The following BRWD1 variants were observed in gnomAD, a reference collection of about 807,000 sequenced individuals.
BRWD1 encodes the protein bromodomain and WD repeat-containing protein 1.
Under a neutral mutation model 251.2 loss-of-function variants are expected in BRWD1, and 82 were observed. The ratio of observed to expected loss-of-function variants is 0.33; its 90% CI spans 0.27 to 0.39. The LOEUF (loss-of-function observed/expected upper bound fraction) is 0.39, where lower values mean the gene tolerates loss of function less well. Ranked by LOEUF, BRWD1 falls within the 10% of genes least tolerant of loss-of-function variation. The pLI, the probability that BRWD1 is intolerant of heterozygous loss-of-function variation, is 1.00. For synonymous variants in BRWD1, 918 were observed against 902.8 expected, an observed-to-expected ratio of 1.02 and a Z score of -0.30; for missense variants, 2,233 against 2,711.6, an observed-to-expected ratio of 0.82 and a Z score of 3.92.
Position 39,282,852 on chromosome 21 carries a change from G to A in BRWD1, c.832-2604C>T, listed in dbSNP as rs373813301. On this transcript the variant is annotated intron_variant, in intron 8 of 40. Transcript: ENST00000342449. ...TGGGCGCCTGTAATCCCAACTACTCGGGAGGCTGAGGCAGGAGAATCGCTT... is the reference window on the plus strand; with the variant it reads ...TGGGCGCCTGTAATCCCAACTACTCAGGAGGCTGAGGCAGGAGAATCGCTT... 7.3e-4 allele frequency among the ~76,000 whole-genome samples: 111 copies of A among 151,754 alleles called. 2 individuals carry two copies. In the South Asian group the frequency reaches 0.015, roughly 21 times the overall value.
intron 4 of BRWD1, among the ~76,000 whole-genome samples, chr21:39,305,659 T>C (rs1436133019): frequency 1.3e-5 from 2 of 152,036 alleles, no homozygotes; most frequent in Non-Finnish European, 2.9e-5. Flanking sequence ...GGTCAAGAGA[T>C]AGAGACCATC....
rs1365038382 is a variant in BRWD1, at chr21:39,298,463, T to G, written c.318A>C (p.Ala106=). 1.9e-6 allele frequency: 3 copies of G among 1,606,642 alleles called. No homozygotes were observed. The highest frequency in any genetic ancestry group is 3.4e-5 in the Admixed American group (2 of 58,068). The change falls in exon 5 of 41, where the codon GCA becomes GCC. Residue 106 remains alanine, a synonymous_variant. Coordinates refer to ENST00000342449, the MANE Select transcript of BRWD1 (RefSeq NM_033656.4). ...SISRVTSLLG[A]GRQSLLRTAK... ...CTGTACGTAGCAAAGACTGCCTTCC[T>G]GCACCAAGTAAAGAAGTGACTCTTG...
chr21:39,297,254 C>T, intron 5 of BRWD1: 1 of 985,440 alleles, frequency 1.0e-6, no homozygotes, highest in South Asian at 4.7e-5. Flanking sequence ...CTCTACTGAG[C>T]CTCGGGTGCC....
chr21:39,309,824 CAAAAAAAAA>C lies in BRWD1; in HGVS notation c.198+3008_198+3016del, dbSNP rs10709480. On this transcript the variant is annotated intron_variant, in intron 4 of 40. Coordinates refer to ENST00000342449, the MANE Select transcript of BRWD1 (RefSeq NM_033656.4). ...TGGGCGACAGAGCGAGACTCCGTCTCAAAAAAAAAAAAAAAAAAAAGACACCCAGGGAAC... is the reference window on the plus strand; with the variant it reads ...TGGGCGACAGAGCGAGACTCCGTCTCAAAAAAAAAAAGACACCCAGGGAAC... Among the ~76,000 whole-genome samples the C allele has an allele frequency of 1.2e-4, 9 of 75,232 alleles. No homozygotes were observed. The East Asian group carries it at 2.9e-3, about 24-fold the overall frequency. The allele number at this position is 75,232 out of a possible 152,430, so 49.4% of individuals were successfully genotyped here. A position where few individuals can be genotyped will look rare whatever the true frequency, so the allele number is the denominator to read the frequency against.
intron 1 of BRWD1, chr21:39,320,929 A>G (rs1206795032): frequency 6.6e-6 from 1 of 151,840 alleles, no homozygotes; most frequent in Non-Finnish European, 1.5e-5. Context: ...TGGCCTCCCA[A>G]AGTGCTGGGA....
intron 15 of BRWD1, among the ~76,000 whole-genome samples, 158 bp downstream of exon 15, chr21:39,269,741 T>C (rs1217762659): frequency 6.6e-6 from 1 of 152,202 alleles, no homozygotes; most frequent in East Asian, 1.9e-4. Context: ...TATGTACGTA[T>C]ATACATGTAG....
chr21:39,245,210 T>C (rs1261433767), intron 21 of BRWD1, among the ~76,000 whole-genome samples: 4 of 151,900 alleles, frequency 2.6e-5, no homozygotes, highest in African/African-American at 9.7e-5. Flanking sequence ...CACCATGCAC[T>C]ACAGCCTACG....
intron 8 of BRWD1, among the ~76,000 whole-genome samples, chr21:39,280,769 G>GA (rs904237092): frequency 6.6e-6 from 1 of 152,116 alleles, no homozygotes; most frequent in Non-Finnish European, 1.5e-5. Context: ...CAGTAATCTG[G>GA]AAAAAAACTA....
chr21:39,278,047 C>T (rs1159801504), intron 10 of BRWD1, among the ~76,000 whole-genome samples: 2 of 152,010 alleles, frequency 1.3e-5, no homozygotes, highest in Non-Finnish European at 2.9e-5. Flanking sequence ...TGGGTTCTCC[C>T]TATGTTGCCA....
intron 9 of BRWD1, among the ~76,000 whole-genome samples, chr21:39,279,417 T>A (rs1463972004): frequency 6.6e-6 from 1 of 151,966 alleles, no homozygotes; most frequent in African/African-American, 2.4e-5. Context: ...GGCGGGTGGA[T>A]CACCTGAGAT....
In BRWD1 at chr21:39,218,263, G is replaced by C. The variant is rs748263151; in HGVS notation, c.3548C>G (p.Ala1183Gly). 30 of 1,607,968 alleles carry C rather than the reference G, an allele frequency of 1.9e-5. No homozygotes were observed. Among genetic ancestry groups the C allele is most frequent in the Admixed American group, 8.6e-5 (5 of 57,944 alleles). Reference sequence around the variant, plus strand: ...CAAATCAACAGGGCCTGCAAAAGCTGCTGCTATATCTGTTAGGGAAGACAG... The same window carrying C: ...CAAATCAACAGGGCCTGCAAAAGCTCCTGCTATATCTGTTAGGGAAGACAG... Reference protein sequence around the residue: ...IDQLLNLDIAAAFAGPVDLCT... With the variant: ...IDQLLNLDIAGAFAGPVDLCT... The change falls in exon 31 of 41, where the codon GCA becomes GGA. Residue 1183 changes from alanine to glycine, a missense_variant. Ala to Gly is a moderately conservative substitution (Grantham distance 60, BLOSUM62 0). Coordinates refer to ENST00000342449, the MANE Select transcript of BRWD1 (RefSeq NM_033656.4).
upstream of BRWD1, among the ~76,000 whole-genome samples, chr21:39,318,638 T>G (rs551844740): frequency 1.1e-3 from 162 of 151,760 alleles, no homozygotes; most frequent in African/African-American, 3.5e-3. Flanking sequence ...CTGGGCTGTT[T>G]TTTGTTTTGT....
intron 4 of BRWD1, among the ~76,000 whole-genome samples, chr21:39,305,711 G>GA (rs1227603710): frequency 6.6e-6 from 1 of 151,896 alleles, no homozygotes; most frequent in Non-Finnish European, 1.5e-5. Context: ...AAAAATTCAA[G>GA]AATTAGCTGG....
rs773619535 is a variant in BRWD1, at chr21:39,258,638, C to T, written c.1920G>A (p.Leu640=). Residue 640 remains leucine (L), a synonymous_variant, in exon 18 of 41, where the codon CTG becomes CTA. Transcript: ENST00000342449. ...TGCGTTCATCATTATCATTGGTTTGCAGGCTTATAATTTGTTCAATCACCT... is the reference window on the plus strand; with the variant it reads ...TGCGTTCATCATTATCATTGGTTTGTAGGCTTATAATTTGTTCAATCACCT... The part of the protein sequence containing the change: ...DGEVIEQIIS[L]QTNDNDERSP... The T allele has an allele frequency of 6.2e-7, 1 of 1,608,182 alleles. No homozygotes were observed. Among genetic ancestry groups the T allele is most frequent in the South Asian group, 1.1e-5 (1 of 90,090 alleles).
At position 39,192,197 on chromosome 21, in the gene BRWD1, T is replaced by C; in HGVS notation, c.*4062A>G. ...TATCCTTGGGCAACATCTCTGTAATTTAACAGCCTTTAAAACTTAAAATCG... is the reference window on the plus strand; with the variant it reads ...TATCCTTGGGCAACATCTCTGTAATCTAACAGCCTTTAAAACTTAAAATCG... On this transcript the variant is annotated 3_prime_UTR_variant, in exon 41 of 41. Transcript: ENST00000342449. 1 of 985,340 alleles carries C rather than the reference T, an allele frequency of 1.0e-6. No homozygotes were observed. Among genetic ancestry groups the C allele is most frequent in the Non-Finnish European group, 1.2e-6 (1 of 829,854 alleles). The allele number at this position is 985,340 out of a possible 1,614,324, so 61.0% of individuals were successfully genotyped here.
intron 25 of BRWD1, among the ~76,000 whole-genome samples, chr21:39,231,415 G>GT (rs1299163375): frequency 6.6e-6 from 1 of 152,186 alleles, no homozygotes; most frequent in East Asian, 1.9e-4. Context: ...GCTGTACATA[G>GT]TAAGTGACTG....
chr21:39,312,847 C>T lies in BRWD1; in HGVS notation c.192G>A (p.Glu64=), dbSNP rs1568985748. The change falls in exon 4 of 41, where the codon GAG becomes GAA. Residue 64 remains glutamate, a synonymous_variant. Transcript: ENST00000342449. ...AAACGTGCCCAATGCTCACCAACTC[C>T]TCGTAGCTCCTGTTGTGCTCGTTGC... The part of the protein sequence containing the change: ...WEGNEHNRSY[E]ELVLSNKHVA... 4 of 1,585,390 alleles carry T rather than the reference C, an allele frequency of 2.5e-6. No homozygotes were observed. The highest frequency in any genetic ancestry group is 1.4e-5 in the African/African-American group (1 of 71,074).
intron 8 of BRWD1, among the ~76,000 whole-genome samples, chr21:39,291,109 CA>C (rs1165768378): frequency 6.6e-6 from 1 of 152,076 alleles, no homozygotes. Flanking sequence ...GGGCCAAAAA[CA>C]AAAAACAAAA....
chr21:39,231,354 G>A (rs2033609413), intron 25 of BRWD1, among the ~76,000 whole-genome samples: 2 of 152,026 alleles, frequency 1.3e-5, no homozygotes, highest in African/African-American at 4.8e-5. Context: ...CTGTGAAAAT[G>A]TATCCATCAT....
Sources: gnomAD v4.1 joint callset for allele counts (sites outside exome capture counted in the v4.1 genomes callset) on GRCh38, gnomAD v4.1.1 for gene constraint, MANE v1.5 for transcripts, NCBI Gene and HGNC (gene_info 2026-07-23, HGNC 2026-07-21) for gene names.